Variants in GULP1 observed in about 807,000 individuals in gnomAD.
GULP1 encodes the protein PTB domain-containing engulfment adapter protein 1.
In GULP1, 19 loss-of-function variants were observed where a neutral mutation model predicts 40.9. The observed-to-expected ratio is 0.46, with a 90% CI of 0.32 to 0.68. GULP1 has a LOEUF of 0.68. Among genes scored for constraint, GULP1 ranks in the 30% least tolerant of loss-of-function variants. GULP1 has a pLI of 0.03. For missense variants in GULP1, 312 were observed against 362.2 expected, an observed-to-expected ratio of 0.86 and a Z score of 1.12; for synonymous variants, 119 against 117.6, an observed-to-expected ratio of 1.01 and a Z score of -0.08.
In GULP1 at chr2:188,483,417, AT is replaced by A; in HGVS notation, c.29-8del. 4 of 1,435,958 alleles carry A rather than the reference AT, an allele frequency of 2.8e-6. No individual in the cohort carries two copies. Among genetic ancestry groups the A allele is most frequent in the South Asian group, 1.2e-5 (1 of 81,300 alleles). The allele number at this position is 1,435,958 out of a possible 1,614,324, so 89.0% of individuals were successfully genotyped here. ...GGAAACCTAAAATTTAACTCTGTGT[AT>A]TTTTTATTGCAGACAAAACATGGAT... is the stretch of plus-strand genomic sequence containing the variant. On this transcript the variant is annotated splice_polypyrimidine_tract_variant and intron_variant, in intron 3 of 11. Transcript: ENST00000409830.
chr2:188,343,712 C>CA (rs535923519), intron 1 of GULP1, among the ~76,000 whole-genome samples: 337 of 152,306 alleles, frequency 2.2e-3, no homozygotes, highest in Middle Eastern at 3.4e-3. Context: ...ATTATTTCCT[C>CA]AAAGGGTAGG....
At position 188,451,644 on chromosome 2, in the gene GULP1, T is replaced by A. The variant is rs1252461422; in HGVS notation, c.-44-26015T>A. Among the ~76,000 whole-genome samples the A allele has an allele frequency of 4.6e-5, 7 of 152,154 alleles. No homozygotes were observed. The South Asian group carries it at 1.4e-3, about 31-fold the overall frequency. On this transcript the variant is annotated intron_variant, in intron 2 of 11. Coordinates refer to ENST00000409830, the MANE Select transcript of GULP1 (RefSeq NM_016315.4). Reference sequence around the variant, plus strand: ...CTTTTTGGTTTTCTCAATATTAATGTCAAAATTGAAAATACAATGTTTTTA... The same window carrying A: ...CTTTTTGGTTTTCTCAATATTAATGACAAAATTGAAAATACAATGTTTTTA...
intron 7 of GULP1, among the ~76,000 whole-genome samples, chr2:188,561,565 A>G (rs1433822865): frequency 6.6e-5 from 10 of 152,028 alleles, no homozygotes; most frequent in Non-Finnish European, 1.5e-4. Flanking sequence ...AATCCACATG[A>G]TCCTGGGCTA....
At chr2:188,576,501 T>C (rs1239316634) in intron 9 of GULP1, among the ~76,000 whole-genome samples, 1 of 152,188 alleles carries the variant, frequency 6.6e-6, no homozygotes, top group Non-Finnish European at 1.5e-5. Flanking sequence ...TGGAGACCAC[T>C]CCTATTTCTC....
intron 2 of GULP1, among the ~76,000 whole-genome samples, chr2:188,441,841 C>G (rs955285596): frequency 2.0e-5 from 3 of 152,066 alleles, no homozygotes; most frequent in African/African-American, 7.2e-5. Context: ...TGATAGAGCC[C>G]TGACTGATAG....
chr2:188,424,629 A>C (rs2055910571), intron 2 of GULP1, among the ~76,000 whole-genome samples: 1 of 151,930 alleles, frequency 6.6e-6, no homozygotes, highest in Admixed American at 6.6e-5. Context: ...TCAAATTCCC[A>C]ATTGTCTCAT....
intron 2 of GULP1, among the ~76,000 whole-genome samples, chr2:188,419,783 G>A (rs2055115086): frequency 6.6e-6 from 1 of 152,082 alleles, no homozygotes; most frequent in Non-Finnish European, 1.5e-5. Context: ...CAAGACCAAT[G>A]TAATGAAGCT....
chr2:188,397,598 A>T (rs992164961), intron 2 of GULP1, among the ~76,000 whole-genome samples: 2 of 152,226 alleles, frequency 1.3e-5, no homozygotes, highest in African/African-American at 4.8e-5. Flanking sequence ...TCACTGACTA[A>T]CTTAGTCTTA....
At chr2:188,537,923 C>T (rs559575268) in intron 6 of GULP1, among the ~76,000 whole-genome samples, 4 of 151,926 alleles carry the variant, frequency 2.6e-5, no homozygotes, top group Admixed American at 6.6e-5. Flanking sequence ...GGAGGTTCTG[C>T]GTTTCTATAA....
At chr2:188,593,541 G>A (rs1481546831) in intron 11 of GULP1, 2 of 152,974 alleles carry the variant, frequency 1.3e-5, no homozygotes, top group East Asian at 3.8e-4. Context: ...AAAATCATCA[G>A]GCTATCTTGA....
In GULP1 at chr2:188,311,617, C is replaced by T. The variant is rs556717395; in HGVS notation, c.-172+19451C>T. 1.6e-4 allele frequency among the ~76,000 whole-genome samples: 24 copies of T among 151,460 alleles called. No homozygotes were observed. In the East Asian group the frequency reaches 4.7e-3, roughly 30 times the overall value. Reference sequence around the variant, plus strand: ...AGAAATAAATATGAGTAGATGTATCCAATTTTAACAAAATTGATTTTCTCA... The same window carrying T: ...AGAAATAAATATGAGTAGATGTATCTAATTTTAACAAAATTGATTTTCTCA... On this transcript the variant is annotated intron_variant, in intron 1 of 11. Transcript: ENST00000409830.
intron 1 of GULP1, among the ~76,000 whole-genome samples, chr2:188,318,091 A>C (rs2039396726): frequency 6.7e-6 from 1 of 150,266 alleles, no homozygotes. Context: ...CTTCTAATTA[A>C]TTTTTGCTCC....
At chr2:188,569,198 C>A in intron 7 of GULP1, 41 bp from the exon 8 acceptor site, 2 of 975,426 alleles carry the variant, frequency 2.1e-6, no homozygotes, top group Non-Finnish European at 3.3e-6. Flanking sequence ...AACAGTTTGA[C>A]ATATTATTAA....
At chr2:188,392,863 G>T (rs1341459708) in intron 2 of GULP1, among the ~76,000 whole-genome samples, 1 of 152,028 alleles carries the variant, frequency 6.6e-6, no homozygotes, top group African/African-American at 2.4e-5. Flanking sequence ...TTCAGGAGCA[G>T]ATTGTTTAAT....
chr2:188,371,244 A>G lies in GULP1; in HGVS notation c.-171-12519A>G, dbSNP rs552079641. ...TTGGCAGGTATTAATAGAAAACAATAAACATCATTATTTCATTTGGCAATA... is the reference window on the plus strand; with the variant it reads ...TTGGCAGGTATTAATAGAAAACAATGAACATCATTATTTCATTTGGCAATA... On this transcript the variant is annotated intron_variant, in intron 1 of 11. Coordinates refer to ENST00000409830, the MANE Select transcript of GULP1 (RefSeq NM_016315.4). Among the ~76,000 whole-genome samples, 10 of 152,294 alleles carry G rather than the reference A, an allele frequency of 6.6e-5. No individual in the cohort carries two copies. In the South Asian group the frequency reaches 1.9e-3, roughly 28 times the overall value.
intron 1 of GULP1, among the ~76,000 whole-genome samples, chr2:188,301,754 T>A (rs1427844778): frequency 6.6e-6 from 1 of 152,196 alleles, no homozygotes; most frequent in Non-Finnish European, 1.5e-5. Flanking sequence ...GAACATTGGA[T>A]GAGAAAGCAC....
chr2:188,460,882 A>G (rs1018874874), intron 2 of GULP1, among the ~76,000 whole-genome samples: 3 of 152,158 alleles, frequency 2.0e-5, no homozygotes, highest in African/African-American at 2.4e-5. Flanking sequence ...TTCAGCATCA[A>G]TTGCAATGAT....
At chr2:188,476,338 C>G (rs2061005820) in intron 2 of GULP1, among the ~76,000 whole-genome samples, 1 of 152,064 alleles carries the variant, frequency 6.6e-6, no homozygotes. Flanking sequence ...AGCTTTTGGT[C>G]TCTCGTGAAT....
chr2:188,364,589 A>G (rs59058494), intron 1 of GULP1, among the ~76,000 whole-genome samples: 4,533 of 152,054 alleles, frequency 0.03, 249 homozygotes, highest in African/African-American at 0.1. Flanking sequence ...GATGCTAGTC[A>G]TGTAACCTAT....
Sources: gnomAD v4.1 joint callset for allele counts (sites outside exome capture counted in the v4.1 genomes callset) on GRCh38, gnomAD v4.1.1 for gene constraint, MANE v1.5 for transcripts, NCBI Gene and HGNC (gene_info 2026-07-23, HGNC 2026-07-21) for gene names.